Variants in TASOR observed in about 807,000 individuals in gnomAD.
The protein encoded by TASOR is transcription activation suppressor.
In TASOR, 53 loss-of-function variants were observed where a neutral mutation model predicts 178.6. That is an observed-to-expected ratio of 0.30 (90% CI 0.24 to 0.37). TASOR has a LOEUF of 0.37. Ranked by LOEUF, TASOR falls within the 10% of genes least tolerant of loss-of-function variation. The pLI is 1.00. For synonymous variants in TASOR, 713 were observed against 696.2 expected, an observed-to-expected ratio of 1.02 and a Z score of -0.38; for missense variants, 1,815 against 1,971.4, an observed-to-expected ratio of 0.92 and a Z score of 1.50.
At chr3:56,653,743 A>T (rs1205534310) in intron 11 of TASOR, among the ~76,000 whole-genome samples, 1 of 152,220 alleles carries the variant, frequency 6.6e-6, no homozygotes, top group Non-Finnish European at 1.5e-5. Flanking sequence ...AATGCAATTA[A>T]ATTAGAAATA....
At chr3:56,626,983 A>T (rs1342408412) in intron 21 of TASOR, 54 bp downstream of exon 21, 7 of 1,065,546 alleles carry the variant, frequency 6.6e-6, no homozygotes, top group Admixed American at 6.4e-5. Context: ...GAGAAATATT[A>T]TGAGTACAAT....
rs1327750185 is a variant in TASOR at position 56,682,740 on chromosome 3, G to A, written c.267C>T (p.Pro89=). The change falls in exon 1 of 24, where the codon CCC becomes CCT. Residue 89 remains proline (P), a synonymous_variant. Transcript: ENST00000683822. ...TCCTAACAGGCCTTTCGGGCTCTTC[G>A]GGGCCTCTGGGCAGGGCGGCCGCGC... ...EAGAAALPRG[P]EEPERPVRRS... is the part of the protein sequence containing the mutation. The A allele has an allele frequency of 2.6e-6, 4 of 1,522,796 alleles. No individual in the cohort carries two copies. In the South Asian group the frequency reaches 3.6e-5, roughly 14 times the overall value. The allele number at this position is 1,522,796 out of a possible 1,614,324, so 94.3% of individuals were successfully genotyped here. A position where few individuals can be genotyped will look rare whatever the true frequency, so the allele number is the denominator to read the frequency against.
Position 56,625,690 on chromosome 3 carries a change from C to CT in TASOR, c.4140-685dup, listed in dbSNP as rs879938687. Among the ~76,000 whole-genome samples, 632 of 146,658 alleles carry CT rather than the reference C, an allele frequency of 4.3e-3. 9 individuals are homozygous for CT. The highest frequency in any genetic ancestry group is 0.025 in the South Asian group (117 of 4,642). ...ACACTATTATGGCTCTAAGCTATTT[C>CT]TTTTTTTTTTTTGAGACAGAGTCTC... is the stretch of plus-strand genomic sequence containing the variant. On this transcript the variant is annotated intron_variant, in intron 21 of 23. Coordinates refer to ENST00000683822, the MANE Select transcript of TASOR (RefSeq NM_001365635.2).
intron 21 of TASOR, among the ~76,000 whole-genome samples, chr3:56,625,680 T>A (rs893258172): frequency 4.0e-5 from 6 of 151,720 alleles, no homozygotes; most frequent in Non-Finnish European, 2.9e-5. Context: ...ATTATGGCTC[T>A]AAGCTATTTC....
chr3:56,669,466 G>T (rs2030437206), intron 5 of TASOR, among the ~76,000 whole-genome samples: 1 of 152,096 alleles, frequency 6.6e-6, no homozygotes, highest in Admixed American at 6.5e-5. Flanking sequence ...TGGCGCCACT[G>T]CACTCCATCC....
chr3:56,623,794 T>C (rs1281024986), intron 23 of TASOR: 3 of 1,551,288 alleles, frequency 1.9e-6, no homozygotes, highest in Non-Finnish European at 1.7e-6. Context: ...ACGTTTAATG[T>C]TGGGAAATCC....
intron 7 of TASOR, among the ~76,000 whole-genome samples, chr3:56,665,522 A>G (rs540369448): frequency 1.3e-5 from 2 of 152,062 alleles, no homozygotes; most frequent in South Asian, 4.2e-4. Context: ...ACATCCAGCT[A>G]ATTTTTTTGT....
intron 14 of TASOR, among the ~76,000 whole-genome samples, chr3:56,645,541 C>G (rs1459610773): frequency 6.6e-6 from 1 of 152,212 alleles, no homozygotes; most frequent in Non-Finnish European, 1.5e-5. Context: ...TGCAAAAGAA[C>G]TCATTCTGTG....
Position 56,651,379 on chromosome 3 carries a change from C to CA in TASOR, c.1369-2323dup, listed in dbSNP as rs1307433718. 4.6e-5 allele frequency among the ~76,000 whole-genome samples: 7 copies of CA among 151,900 alleles called. No homozygotes were observed. In the South Asian group the frequency reaches 1.2e-3, roughly 27 times the overall value. On this transcript the variant is annotated intron_variant, in intron 11 of 23. Coordinates refer to ENST00000683822, the MANE Select transcript of TASOR (RefSeq NM_001365635.2). ...GTATTATAGCACTCCCCCACCCCCA[C>CA]AAAAAAAGAGTTAGTATAAATACAT...
At chr3:56,676,321 T>C (rs998387998) in intron 1 of TASOR, among the ~76,000 whole-genome samples, 2 of 152,196 alleles carry the variant, frequency 1.3e-5, no homozygotes. Context: ...ATTGACTCTT[T>C]CACAAATTCA....
intron 3 of TASOR, 23 bp from the exon 4 acceptor site, chr3:56,670,168 C>G: frequency 7.3e-7 from 1 of 1,369,266 alleles, no homozygotes. Flanking sequence ...AAAAATACTT[C>G]ATCTTGCAGT....
chr3:56,628,472 A>T lies in TASOR; in HGVS notation c.3870+20T>A, dbSNP rs377363340. 141 of 1,589,286 alleles carry T rather than the reference A, an allele frequency of 8.9e-5. 1 individual carries two copies. The highest frequency in any genetic ancestry group is 1.1e-4 in the Non-Finnish European group (128 of 1,168,610). On this transcript the variant is annotated intron_variant, in intron 19 of 23. Coordinates refer to ENST00000683822, the MANE Select transcript of TASOR (RefSeq NM_001365635.2). The stretch of plus-strand genomic sequence containing the variant: ...GGGAGTTTTTAAAACCAAAGTAGTG[A>T]ATTTGACTTAATAGTCTACCTTGTG...
Position 56,633,151 on chromosome 3 carries a change from G to C in TASOR, c.3640C>G (p.Pro1214Ala), listed in dbSNP as rs370966128. The C allele has an allele frequency of 5.6e-6, 9 of 1,613,964 alleles. No individual in the cohort carries two copies. The highest frequency in any genetic ancestry group is 7.6e-6 in the Non-Finnish European group (9 of 1,179,978). ...ALSNFISQLE[P>A]EVFNSLVKIM... Reference sequence around the variant, plus strand: ...TTAACCAAACTATTAAATACTTCAGGTTCTAACTGGCTTATAAAATTTGAA... The same window carrying C: ...TTAACCAAACTATTAAATACTTCAGCTTCTAACTGGCTTATAAAATTTGAA... The change falls in exon 18 of 24, where the codon CCT becomes GCT. Residue 1214 changes from proline (P) to alanine (A), a missense_variant. Around this residue, in one of 5 missense-constraint regions of TASOR, gnomAD observed 655 missense variants for 671.1 expected, o/e 0.98. Coordinates refer to ENST00000683822, the MANE Select transcript of TASOR (RefSeq NM_001365635.2).
rs1184143766 is a variant in TASOR, at chr3:56,633,820, C to A, written c.2971G>T (p.Asp991Tyr). Residue 991 changes from aspartate to tyrosine, a missense_variant, in exon 18 of 24, where the codon GAT becomes TAT. Transcript: ENST00000683822. ...FTDTLKGTTE[D>Y]DVLTGQVEEQ... is the part of the protein sequence containing the mutation. Reference sequence around the variant, plus strand: ...TCCACCTGACCTGTCAACACGTCATCCTCAGTGGTGCCCTTTAGTGTGTCT... The same window carrying A: ...TCCACCTGACCTGTCAACACGTCATACTCAGTGGTGCCCTTTAGTGTGTCT... 6.2e-7 allele frequency: 1 copy of A among 1,614,144 alleles called. No individual in the cohort carries two copies. The highest frequency in any genetic ancestry group is 8.5e-7 in the Non-Finnish European group (1 of 1,180,020).
intron 13 of TASOR, among the ~76,000 whole-genome samples, chr3:56,647,826 A>G (rs181973472): frequency 1.1e-4 from 17 of 152,320 alleles, no homozygotes; most frequent in Non-Finnish European, 1.2e-4. Flanking sequence ...GAATTGCCTA[A>G]TATTTATCCT....
chr3:56,647,738 C>A (rs1009713498), intron 13 of TASOR, among the ~76,000 whole-genome samples: 3 of 152,156 alleles, frequency 2.0e-5, no homozygotes, highest in Non-Finnish European at 4.4e-5. Context: ...GCTTAATACA[C>A]AGTATTAAAG....
At chr3:56,643,293 C>T (rs1436697210) in intron 14 of TASOR, among the ~76,000 whole-genome samples, 6 of 151,222 alleles carry the variant, frequency 4.0e-5, no homozygotes, top group Non-Finnish European at 2.9e-5. Flanking sequence ...TATATTGGAG[C>T]GGTGATTACA....
At chr3:56,635,726 C>T (rs2077003251) in intron 17 of TASOR, among the ~76,000 whole-genome samples, 1 of 152,156 alleles carries the variant, frequency 6.6e-6, no homozygotes, top group South Asian at 2.1e-4. Context: ...CCTCCTGCCT[C>T]AGTCTTCCAA....
At chr3:56,655,397 C>A (rs970817245) in intron 11 of TASOR, among the ~76,000 whole-genome samples, 7 of 152,050 alleles carry the variant, frequency 4.6e-5, no homozygotes, top group Non-Finnish European at 7.4e-5. Flanking sequence ...TATGTTTTTT[C>A]TTATGTATAC....
Sources: gnomAD v4.1 joint callset for allele counts (sites outside exome capture counted in the v4.1 genomes callset) on GRCh38, gnomAD v4.1.1 for gene constraint, gnomAD v4.1.1 regional missense constraint, MANE v1.5 for transcripts, NCBI Gene and HGNC (gene_info 2026-07-23, HGNC 2026-07-21) for gene names.